The following PRSS12 variants were observed in gnomAD, a reference collection of about 807,000 sequenced individuals.
PRSS12 encodes the protein serine protease 12.
Under a neutral mutation model 104.4 loss-of-function variants are expected in PRSS12, and 85 were observed. That is an observed-to-expected ratio of 0.81 (90% CI 0.68 to 0.98). PRSS12 has a LOEUF of 0.98. Ranked by LOEUF, PRSS12 falls within the 50% of genes least tolerant of loss-of-function variation. The pLI is 0.00. For synonymous variants in PRSS12, 454 were observed against 425.2 expected, an observed-to-expected ratio of 1.07 and a Z score of -0.83; for missense variants, 1,141 against 1,139.2, an observed-to-expected ratio of 1.00 and a Z score of -0.02.
At chr4:118,320,628 C>T (rs1723588807) in intron 4 of PRSS12, among the ~76,000 whole-genome samples, 1 of 152,076 alleles carries the variant, frequency 6.6e-6, no homozygotes, top group African/African-American at 2.4e-5. Flanking sequence ...TGGCACACAC[C>T]TGTGGTCCCA....
chr4:118,290,296 T>C (rs1743099886), intron 11 of PRSS12, among the ~76,000 whole-genome samples: 1 of 152,198 alleles, frequency 6.6e-6, no homozygotes, highest in Non-Finnish European at 1.5e-5. Flanking sequence ...AGTGCAACTT[T>C]TGAGCAATCT....
intron 9 of PRSS12, 111 bp from the exon 10 acceptor site, chr4:118,295,967 T>C: frequency 4.2e-6 from 4 of 950,034 alleles, no homozygotes; most frequent in Non-Finnish European, 6.7e-6. Context: ...ATCCCTTTTC[T>C]CTGCAAATTA....
At chr4:118,351,828 A>C (rs1398704391) in intron 1 of PRSS12, among the ~76,000 whole-genome samples, 1 of 152,126 alleles carries the variant, frequency 6.6e-6, no homozygotes, top group Admixed American at 6.5e-5. Flanking sequence ...CAGAACAAGT[A>C]ATTATGCCTC....
intron 1 of PRSS12, among the ~76,000 whole-genome samples, chr4:118,339,062 T>A (rs1419189074): frequency 1.3e-5 from 2 of 152,298 alleles, no homozygotes; most frequent in East Asian, 1.9e-4. Flanking sequence ...CCTTTCAGTC[T>A]TTAAAAGAGC....
chr4:118,331,973 T>C, intron 3 of PRSS12, 107 bp from the exon 4 acceptor site: 1 of 1,404,138 alleles, frequency 7.1e-7, no homozygotes, highest in Non-Finnish European at 9.8e-7. Flanking sequence ...AAATAATATT[T>C]ATAAAGCCAC....
intron 1 of PRSS12, among the ~76,000 whole-genome samples, chr4:118,342,121 C>T (rs778383823): frequency 2.0e-5 from 3 of 152,110 alleles, no homozygotes; most frequent in Non-Finnish European, 4.4e-5. Flanking sequence ...TGTAGGAGGA[C>T]TATGAACGTG....
chr4:118,346,458 TTATA>T (rs35783323), intron 1 of PRSS12, among the ~76,000 whole-genome samples: 72 of 147,776 alleles, frequency 4.9e-4, no homozygotes, highest in East Asian at 7.8e-4. Flanking sequence ...ACTTTCCTAT[TTATA>T]TATATATATA....
rs1195428636 is a variant in PRSS12 at position 118,308,527 on chromosome 4, C to T, written c.1540G>A (p.Glu514Lys). The T allele has an allele frequency of 6.2e-7, 1 of 1,613,942 alleles. No individual in the cohort carries two copies. The highest frequency in any genetic ancestry group is 2.2e-5 in the East Asian group (1 of 44,874). The change falls in exon 8 of 13, where the codon GAG (glutamate) becomes AAG (lysine). Residue 514 changes from glutamate to lysine, a missense_variant. Physicochemically the swap from Glu to Lys is moderately conservative, Grantham distance 56 (BLOSUM62 1). Coordinates refer to ENST00000296498, the MANE Select transcript of PRSS12 (RefSeq NM_003619.4). The stretch of plus-strand genomic sequence containing the variant: ...CCCCACTGGCCATTGATAAAAACCT[C>T]CACTCGTCCTTCTTTCTTATTTTCT... ...DGENKKEGRV[E>K]VFINGQWGTI...
Position 118,323,887 on chromosome 4 carries a change from A to G in PRSS12, c.972-5331T>C, listed in dbSNP as rs1035079678. ...TATATAAATATGTGTGTGTGTGTGT[A>G]TATATATCTAGATAGATAGATAATT... On this transcript the variant is annotated intron_variant, in intron 4 of 12. Coordinates refer to ENST00000296498, the MANE Select transcript of PRSS12 (RefSeq NM_003619.4). 6.1e-4 allele frequency among the ~76,000 whole-genome samples: 93 copies of G among 151,784 alleles called. 1 individual carries two copies. Among genetic ancestry groups the G allele is most frequent in the African/African-American group, 2.0e-3 (83 of 41,374 alleles).
intron 5 of PRSS12, among the ~76,000 whole-genome samples, 188 bp from the exon 6 acceptor site, chr4:118,316,511 C>T (rs1351805839): frequency 6.6e-6 from 1 of 152,124 alleles, no homozygotes; most frequent in Non-Finnish European, 1.5e-5. Flanking sequence ...TGACGTAACA[C>T]ATTTCTGTCC....
In PRSS12 at chr4:118,280,505, G is replaced by A. The variant is rs548846144; in HGVS notation, c.*1431C>T. On this transcript the variant is annotated 3_prime_UTR_variant, in exon 13 of 13. Coordinates refer to ENST00000296498, the MANE Select transcript of PRSS12 (RefSeq NM_003619.4). ...TTGCACCAGTTATTACAGAAATGGG[G>A]ATTTGTGAAAAGGATGTAATTTGAT... 4.6e-5 allele frequency: 7 copies of A among 152,350 alleles called. No homozygotes were observed. In the South Asian group the frequency reaches 1.4e-3, roughly 32 times the overall value. 9.4% of individuals were successfully genotyped at this position (152,350 alleles called of 1,614,324 possible). A position where few individuals can be genotyped will look rare whatever the true frequency, so the allele number is the denominator to read the frequency against.
chr4:118,347,862 T>C (rs930217377), intron 1 of PRSS12, among the ~76,000 whole-genome samples: 3 of 152,142 alleles, frequency 2.0e-5, no homozygotes, highest in East Asian at 1.9e-4. Flanking sequence ...TCACAAGCTA[T>C]TGTTGGGGGA....
chr4:118,293,692 A>C (rs1293570893), intron 11 of PRSS12, among the ~76,000 whole-genome samples: 1 of 152,200 alleles, frequency 6.6e-6, no homozygotes, highest in Non-Finnish European at 1.5e-5. Context: ...AGAAACCCCA[A>C]AACTTTGTGA....
At chr4:118,326,767 C>T (rs1467008399) in intron 4 of PRSS12, among the ~76,000 whole-genome samples, 2 of 152,176 alleles carry the variant, frequency 1.3e-5, no homozygotes, top group African/African-American at 4.8e-5. Flanking sequence ...CACTAACAGA[C>T]TTGGGGAATA....
Position 118,331,837 on chromosome 4 carries a change from C to G in PRSS12, c.850G>C (p.Gly284Arg), listed in dbSNP as rs753842458. The G allele has an allele frequency of 1.1e-4, 181 of 1,614,006 alleles. No individual in the cohort carries two copies. Among genetic ancestry groups the G allele is most frequent in the Non-Finnish European group, 1.4e-4 (168 of 1,180,048 alleles). The change falls in exon 4 of 13, where the codon GGA becomes CGA. Residue 284 changes from glycine to arginine, a missense_variant. Transcript: ENST00000296498. The part of the protein sequence containing the change: ...GPTFPIIRLA[G>R]GSSVHEGRVE... ...CGGCCTTCATGCACACTGCTGCCTCCAGCAAGGCGAATGATGGGGAACGTT... is the reference window on the plus strand; with the variant it reads ...CGGCCTTCATGCACACTGCTGCCTCGAGCAAGGCGAATGATGGGGAACGTT...
intron 4 of PRSS12, among the ~76,000 whole-genome samples, chr4:118,327,924 G>T (rs1723818384): frequency 6.6e-6 from 1 of 152,174 alleles, no homozygotes; most frequent in Non-Finnish European, 1.5e-5. Context: ...AAAAGATGAA[G>T]GTTAACAATG....
chr4:118,335,386 T>G, intron 3 of PRSS12, 87 bp downstream of exon 3: 1 of 1,471,590 alleles, frequency 6.8e-7, no homozygotes, highest in Non-Finnish European at 9.3e-7. Flanking sequence ...TTTAAGGAAA[T>G]GATTATAACT....
At position 118,338,347 on chromosome 4, in the gene PRSS12, T is replaced by C. The variant is rs777946606; in HGVS notation, c.503-33A>G. 14 of 1,612,730 alleles carry C rather than the reference T, an allele frequency of 8.7e-6. 1 individual carries two copies. Among genetic ancestry groups the C allele is most frequent in the Non-Finnish European group, 1.2e-5 (14 of 1,179,108 alleles). On this transcript the variant is annotated intron_variant, in intron 1 of 12. Transcript: ENST00000296498. ...GGAAAAGAATCCCAAAACCCTTTAA[T>C]AGTAAATAATCATTTGAACATATTG... is the stretch of plus-strand genomic sequence containing the variant.
chr4:118,322,403 A>C (rs565317010), intron 4 of PRSS12, among the ~76,000 whole-genome samples: 1 of 152,202 alleles, frequency 6.6e-6, no homozygotes, highest in South Asian at 2.1e-4. Context: ...TACAAAAATT[A>C]GCTAGGCATG....
Sources: gnomAD v4.1 joint callset for allele counts (sites outside exome capture counted in the v4.1 genomes callset) on GRCh38, gnomAD v4.1.1 for gene constraint, MANE v1.5 for transcripts, NCBI Gene and HGNC (gene_info 2026-07-23, HGNC 2026-07-21) for gene names.